Variants in NRG3 observed in about 807,000 individuals in gnomAD.
NRG3 encodes the protein neuregulin 3.
Under a neutral mutation model 66.9 loss-of-function variants are expected in NRG3, and 31 were observed. The observed-to-expected ratio is 0.46, with a 90% CI of 0.35 to 0.63. The LOEUF is 0.63. NRG3 is among the 20% of genes least tolerant of loss of function. The probability of loss-of-function intolerance (pLI) is 0.00; values close to 1 mark genes in which losing one functional copy is unlikely to be tolerated. For missense variants in NRG3, 910 were observed against 878.9 expected (o/e 1.04, Z -0.45); for synonymous variants, 393 against 359.4 (o/e 1.09, Z -1.06).
chr10:82,234,508 G>A (rs1258524571), intron 1 of NRG3, among the ~76,000 whole-genome samples: 1 of 152,190 alleles, frequency 6.6e-6, no homozygotes, highest in Non-Finnish European at 1.5e-5. Flanking sequence ...CTCACCATCA[G>A]ATCTCCAGTT....
chr10:81,918,824 A>AAAAAAAAAAAAAC (rs796956624), intron 1 of NRG3, among the ~76,000 whole-genome samples: 3 of 151,524 alleles, frequency 2.0e-5, no homozygotes, highest in African/African-American at 7.3e-5. Context: ...TTTGCAAAAA[A>AAAAAAAAAAAAAC]CAAAAACAAA....
chr10:82,041,516 G>A (rs1159415840), intron 1 of NRG3, among the ~76,000 whole-genome samples: 1 of 151,920 alleles, frequency 6.6e-6, no homozygotes, highest in Non-Finnish European at 1.5e-5. Flanking sequence ...ACTGCCCAAA[G>A]CCACCTTTGG....
intron 6 of NRG3, among the ~76,000 whole-genome samples, chr10:82,961,302 G>A (rs1850617929): frequency 1.3e-5 from 2 of 152,110 alleles, no homozygotes; most frequent in Non-Finnish European, 2.9e-5. Context: ...AATTAATATT[G>A]TTAAATGATG....
chr10:82,129,270 A>G (rs977576624), intron 1 of NRG3, among the ~76,000 whole-genome samples: 1 of 149,818 alleles, frequency 6.7e-6, no homozygotes, highest in Admixed American at 6.7e-5. Flanking sequence ...TAAAAACCAC[A>G]ATACTACATT....
chr10:82,022,790 A>G (rs1350290054), intron 1 of NRG3, among the ~76,000 whole-genome samples: 1 of 152,060 alleles, frequency 6.6e-6, no homozygotes, highest in Non-Finnish European at 1.5e-5. Context: ...TGAGTTTCAA[A>G]GACCTGGTAT....
rs541148744 is a variant in NRG3, at chr10:82,729,115, A to G, written c.954-9462A>G. Among the ~76,000 whole-genome samples the G allele has an allele frequency of 1.1e-4, 16 of 152,302 alleles. No individual in the cohort carries two copies. In the South Asian group the frequency reaches 3.3e-3, roughly 32 times the overall value. On this transcript the variant is annotated intron_variant, in intron 2 of 8. Transcript: ENST00000372141. ...ATCACAGGCCTCCATCACCCTTCTAAGTGGCAGAATTGGAGACCATCCTGC... is the reference window on the plus strand; with the variant it reads ...ATCACAGGCCTCCATCACCCTTCTAGGTGGCAGAATTGGAGACCATCCTGC...
At chr10:82,618,993 A>C (rs898515431) in intron 2 of NRG3, among the ~76,000 whole-genome samples, 17 of 151,804 alleles carry the variant, frequency 1.1e-4, no homozygotes, top group Non-Finnish European at 4.4e-5. Context: ...GTAATCATGT[A>C]TACTTAGAAA....
intron 2 of NRG3, among the ~76,000 whole-genome samples, chr10:82,696,191 G>A (rs1009342144): frequency 6.6e-6 from 1 of 152,112 alleles, no homozygotes; most frequent in African/African-American, 2.4e-5. Flanking sequence ...AACAGAGATA[G>A]GACTCCCAAG....
intron 1 of NRG3, among the ~76,000 whole-genome samples, chr10:82,008,755 T>A (rs1161442827): frequency 6.6e-6 from 1 of 152,172 alleles, no homozygotes; most frequent in Non-Finnish European, 1.5e-5. Flanking sequence ...AAAAAATGTA[T>A]TCATAATTTA....
chr10:82,123,107 T>A (rs570961819), intron 1 of NRG3, among the ~76,000 whole-genome samples: 33 of 152,244 alleles, frequency 2.2e-4, no homozygotes, highest in Non-Finnish European at 2.9e-4. Context: ...CTTGGGAAAT[T>A]ATGAACTTTG....
intron 2 of NRG3, among the ~76,000 whole-genome samples, chr10:82,666,849 A>G (rs1443825568): frequency 6.6e-6 from 1 of 152,122 alleles, no homozygotes; most frequent in Non-Finnish European, 1.5e-5. Flanking sequence ...GTGTTTATTC[A>G]TTTTTATACT....
intron 1 of NRG3, among the ~76,000 whole-genome samples, chr10:82,338,758 G>C (rs926968351): frequency 2.0e-5 from 3 of 152,108 alleles, no homozygotes; most frequent in Admixed American, 2.0e-4. Context: ...TCTCATTTAG[G>C]CTTCGTGAAA....
intron 2 of NRG3, among the ~76,000 whole-genome samples, chr10:82,676,983 G>A (rs920439728): frequency 6.6e-6 from 1 of 150,534 alleles, no homozygotes; most frequent in Non-Finnish European, 1.5e-5. Context: ...CATGCATTTT[G>A]TAATTTAAAT....
intron 2 of NRG3, among the ~76,000 whole-genome samples, chr10:82,659,162 G>A (rs2052111007): frequency 6.6e-6 from 1 of 152,324 alleles, no homozygotes; most frequent in Non-Finnish European, 1.5e-5. Flanking sequence ...TGGAACAATC[G>A]TGAATCAAGG....
intron 3 of NRG3, among the ~76,000 whole-genome samples, chr10:82,817,334 C>T (rs752870625): frequency 3.9e-5 from 6 of 152,094 alleles, no homozygotes; most frequent in Admixed American, 6.6e-5. Flanking sequence ...AATAAGTTAC[C>T]GAAAGCCAAA....
intron 2 of NRG3, among the ~76,000 whole-genome samples, chr10:82,629,055 T>C (rs1282283103): frequency 6.6e-6 from 1 of 152,204 alleles, no homozygotes; most frequent in Non-Finnish European, 1.5e-5. Context: ...TAGTAATATC[T>C]ATCTTTTAGA....
At chr10:82,167,784 C>A (rs1485027669) in intron 1 of NRG3, among the ~76,000 whole-genome samples, 1 of 151,794 alleles carries the variant, frequency 6.6e-6, no homozygotes, top group East Asian at 1.9e-4. Flanking sequence ...TTGTTTTTCT[C>A]ATTTTAAAAA....
chr10:81,904,484 C>A (rs1844394757), intron 1 of NRG3, among the ~76,000 whole-genome samples: 1 of 151,990 alleles, frequency 6.6e-6, no homozygotes, highest in Non-Finnish European at 1.5e-5. Context: ...GCTAAGATCT[C>A]CTTAGACTTT....
chr10:82,653,507 A>C (rs1440466540), intron 2 of NRG3, among the ~76,000 whole-genome samples: 1 of 152,196 alleles, frequency 6.6e-6, no homozygotes, highest in Non-Finnish European at 1.5e-5. Flanking sequence ...GTCCCAAGAG[A>C]AAATGAAAGA....
Sources: gnomAD v4.1 joint callset for allele counts (sites outside exome capture counted in the v4.1 genomes callset) on GRCh38, gnomAD v4.1.1 for gene constraint, MANE v1.5 for transcripts, NCBI Gene and HGNC (gene_info 2026-07-23, HGNC 2026-07-21) for gene names.